UNC13C: variants seen among roughly 807,000 people sequenced by gnomAD.
The protein encoded by UNC13C is unc-13 homolog C, also known as protein unc-13 homolog C.
UNC13C carries 174 observed loss-of-function variants against 245.4 expected under a neutral mutation model. The observed-to-expected ratio is 0.71, with a 90% confidence interval of 0.63 to 0.80. The LOEUF (loss-of-function observed/expected upper bound fraction) is 0.80, where lower values mean the gene tolerates loss of function less well. Ranked by LOEUF, UNC13C falls within the 30% of genes least tolerant of loss-of-function variation. The probability of loss-of-function intolerance (pLI) is 0.00; values close to 1 mark genes in which losing one functional copy is unlikely to be tolerated. For synonymous variants in UNC13C, 992 were observed against 895.1 expected, an observed-to-expected ratio of 1.11 and a Z score of -1.93; for missense variants, 2,829 against 2,602.9, an observed-to-expected ratio of 1.09 and a Z score of -1.89.
intron 4 of UNC13C, among the ~76,000 whole-genome samples, chr15:54,160,086 C>A (rs928889578): frequency 6.6e-6 from 1 of 151,858 alleles, no homozygotes; most frequent in Non-Finnish European, 1.5e-5. Context: ...GAAAACTAGA[C>A]AATTGGAAGA....
chr15:54,625,620 G>A (rs952906350), intron 32 of UNC13C, among the ~76,000 whole-genome samples: 22 of 152,086 alleles, frequency 1.4e-4, no homozygotes, highest in Non-Finnish European at 2.5e-4. Context: ...GGATTTACAC[G>A]CCAATACACT....
chr15:54,321,022 G>A (rs1297009798), intron 13 of UNC13C: 4 of 449,640 alleles, frequency 8.9e-6, no homozygotes, highest in Admixed American at 5.0e-5. Context: ...AGTCACTAAC[G>A]TTTCCTCCAT....
chr15:54,383,486 G>A (rs1006015071), intron 17 of UNC13C, among the ~76,000 whole-genome samples: 3 of 151,818 alleles, frequency 2.0e-5, no homozygotes, highest in Non-Finnish European at 4.4e-5. Context: ...TTATAACAAC[G>A]GTGAGCAAAC....
At chr15:54,153,320 T>C (rs2032606878) in intron 4 of UNC13C, among the ~76,000 whole-genome samples, 1 of 151,708 alleles carries the variant, frequency 6.6e-6, no homozygotes, top group African/African-American at 2.4e-5. Flanking sequence ...TTCATAATTA[T>C]TATGATATAA....
chr15:54,146,771 C>A (rs1183218852), intron 4 of UNC13C, among the ~76,000 whole-genome samples: 2 of 152,026 alleles, frequency 1.3e-5, no homozygotes, highest in Non-Finnish European at 2.9e-5. Flanking sequence ...ATGAAAAGTA[C>A]AAGAGGTTTA....
At position 54,627,901 on chromosome 15, in the gene UNC13C, A is replaced by G. The variant is rs1901286494; in HGVS notation, c.*788A>G. 6.6e-6 allele frequency: 1 copy of G among 152,568 alleles called. No individual in the cohort carries two copies. Among genetic ancestry groups the G allele is most frequent in the Non-Finnish European group, 1.5e-5 (1 of 68,002 alleles). The allele number at this position is 152,568 out of a possible 1,614,324, so 9.5% of individuals were successfully genotyped here. A position where few individuals can be genotyped will look rare whatever the true frequency, so the allele number is the denominator to read the frequency against. On this transcript the variant is annotated 3_prime_UTR_variant, in exon 33 of 33. Coordinates refer to ENST00000260323, the MANE Select transcript of UNC13C (RefSeq NM_001080534.3). The stretch of plus-strand genomic sequence containing the variant: ...CATTAATGGTTTAGAAATGGGATGG[A>G]AAGTTTACTGAAAATACCTGTAAGT...
At chr15:54,436,159 TA>T (rs1378955299) in intron 19 of UNC13C, among the ~76,000 whole-genome samples, 1 of 152,046 alleles carries the variant, frequency 6.6e-6, no homozygotes, top group African/African-American at 2.4e-5. Flanking sequence ...GTTCAACTAT[TA>T]TGGAAGACAG....
chr15:53,907,699 T>C, the UNC13C span, among the ~76,000 whole-genome samples: 68 of 152,130 alleles, frequency 4.5e-4, no homozygotes, highest in African/African-American at 1.6e-3. Flanking sequence ...ACTTTATAAA[T>C]AAAAGTCATT....
intron 18 of UNC13C, among the ~76,000 whole-genome samples, chr15:54,396,433 T>C (rs186485061): frequency 1.2e-3 from 187 of 151,862 alleles, no homozygotes; most frequent in Admixed American, 5.3e-3. Context: ...ATTACAACTA[T>C]TTTGAGTTTC....
intron 4 of UNC13C, among the ~76,000 whole-genome samples, chr15:54,164,154 A>G (rs1269110244): frequency 6.6e-6 from 1 of 152,188 alleles, no homozygotes; most frequent in Admixed American, 6.5e-5. Flanking sequence ...CAGTTAAAGA[A>G]AGGAAAAAGG....
chr15:54,407,049 G>A (rs1279041192), intron 18 of UNC13C, among the ~76,000 whole-genome samples: 2 of 152,102 alleles, frequency 1.3e-5, no homozygotes, highest in East Asian at 3.9e-4. Context: ...GGGCCAGATG[G>A]TCAGAGCAGG....
At chr15:53,877,476 G>T in the UNC13C span, among the ~76,000 whole-genome samples, 3 of 152,138 alleles carry the variant, frequency 2.0e-5, no homozygotes, top group African/African-American at 2.4e-5. Flanking sequence ...AATATTCATA[G>T]AAATTAAAGA....
Position 54,092,359 on chromosome 15 carries a change from G to A in UNC13C, c.2984-50659G>A, listed in dbSNP as rs150872518. On this transcript the variant is annotated intron_variant, in intron 2 of 32. Coordinates refer to ENST00000260323, the MANE Select transcript of UNC13C (RefSeq NM_001080534.3). The stretch of plus-strand genomic sequence containing the variant: ...CATATTCATTACCCAAGTCTTTACA[G>A]AGGATCTGCTATAATTTAAAAAAAT... Among the ~76,000 whole-genome samples the A allele has an allele frequency of 8.7e-3, 1,322 of 152,272 alleles. 11 individuals carry two copies. The highest frequency in any genetic ancestry group is 0.017 in the South Asian group (83 of 4,828).
At chr15:54,340,044 G>T (rs55841693) in intron 17 of UNC13C, among the ~76,000 whole-genome samples, 98,464 of 152,042 alleles carry the variant, frequency 0.65, 32,711 homozygotes, top group African/African-American at 0.76. Flanking sequence ...TCATTAGTTA[G>T]GTTGAGCATT....
intron 4 of UNC13C, among the ~76,000 whole-genome samples, chr15:54,165,656 C>A (rs1190191635): frequency 6.6e-6 from 1 of 152,054 alleles, no homozygotes; most frequent in Non-Finnish European, 1.5e-5. Flanking sequence ...ATTTTGACAT[C>A]AGGTTTTAGG....
chr15:53,889,063 G>C, the UNC13C span, among the ~76,000 whole-genome samples: 3 of 152,112 alleles, frequency 2.0e-5, no homozygotes, highest in Non-Finnish European at 4.4e-5. Context: ...GAAGTTTAAA[G>C]TAGTTTTTTC....
chr15:54,446,298 A>G (rs562067994), intron 19 of UNC13C, among the ~76,000 whole-genome samples: 17 of 152,246 alleles, frequency 1.1e-4, no homozygotes, highest in African/African-American at 3.6e-4. Flanking sequence ...TTCCATACGA[A>G]CTTTAAAGTA....
chr15:54,469,798 C>T (rs943495045), intron 19 of UNC13C, among the ~76,000 whole-genome samples: 3 of 151,426 alleles, frequency 2.0e-5, no homozygotes, highest in African/African-American at 7.3e-5. Flanking sequence ...CTATGCTGAA[C>T]AGAAGTGGTG....
chr15:54,112,744 T>C (rs946121881), intron 2 of UNC13C, among the ~76,000 whole-genome samples: 1 of 152,208 alleles, frequency 6.6e-6, no homozygotes, highest in Non-Finnish European at 1.5e-5. Context: ...AGGACTTTCT[T>C]ACCCTCACTA....
Sources: allele counts gnomAD v4.1 joint callset (sites outside exome capture counted in the v4.1 genomes callset), GRCh38; gene constraint gnomAD v4.1.1; transcripts MANE v1.5; gene names NCBI Gene and HGNC (gene_info 2026-07-23, HGNC 2026-07-21).